Variants in CTNNBIP1 observed in about 807,000 individuals in gnomAD.
The protein encoded by CTNNBIP1 is catenin beta interacting protein 1.
A neutral mutation model predicts 11.8 loss-of-function variants in CTNNBIP1; 7 were observed. The observed-to-expected ratio is 0.60, with a 90% CI of 0.34 to 1.12. The LOEUF is 1.12. CTNNBIP1 is among the 50% of genes most tolerant of loss of function. CTNNBIP1 has a pLI of 0.03. For missense variants in CTNNBIP1, 101 were observed against 113.4 expected (o/e 0.89, Z 0.50); for synonymous variants, 58 against 43.9 (o/e 1.32, Z -1.26).
chr1:9,895,039 C>T (rs1026818974), intron 1 of CTNNBIP1, among the ~76,000 whole-genome samples: 1 of 151,856 alleles, frequency 6.6e-6, no homozygotes, highest in Non-Finnish European at 1.5e-5. Context: ...TCCCAAGGAG[C>T]TGGGACTACA....
intron 5 of CTNNBIP1, among the ~76,000 whole-genome samples, chr1:9,853,170 G>A (rs933970308): frequency 6.6e-6 from 1 of 152,200 alleles, no homozygotes; most frequent in African/African-American, 2.4e-5. Flanking sequence ...AAAGGCCTGA[G>A]GAGCTGCGGC....
At chr1:9,895,203 G>A (rs1361615591) in intron 1 of CTNNBIP1, among the ~76,000 whole-genome samples, 4 of 143,322 alleles carry the variant, frequency 2.8e-5, no homozygotes, top group East Asian at 4.2e-4. Context: ...CACTGCACCC[G>A]GCCTGTTTTG....
intron 1 of CTNNBIP1, chr1:9,892,871 G>A (rs1474408590): frequency 6.6e-6 from 1 of 152,130 alleles, no homozygotes; most frequent in Non-Finnish European, 1.5e-5. Context: ...CAAGGAAGGA[G>A]GAAACCTCCC....
chr1:9,890,859 A>C (rs903530329), intron 1 of CTNNBIP1, among the ~76,000 whole-genome samples: 2 of 152,170 alleles, frequency 1.3e-5, no homozygotes, highest in African/African-American at 2.4e-5. Context: ...AAGTCCCCAA[A>C]AGGCAAATTA....
intron 1 of CTNNBIP1, among the ~76,000 whole-genome samples, chr1:9,909,874 C>G (rs1461688861): frequency 6.6e-6 from 1 of 151,544 alleles, no homozygotes; most frequent in African/African-American, 2.4e-5. Context: ...GGAGGCGACC[C>G]CCGGGCGAAG....
chr1:9,879,304 C>CT (rs1385443137), intron 2 of CTNNBIP1, among the ~76,000 whole-genome samples: 1 of 152,132 alleles, frequency 6.6e-6, no homozygotes, highest in Non-Finnish European at 1.5e-5. Flanking sequence ...CCAGACAACA[C>CT]TTTGAGAAAC....
At chr1:9,875,176 C>T (rs6699477) in intron 3 of CTNNBIP1, among the ~76,000 whole-genome samples, 5,209 of 152,284 alleles carry the variant, frequency 0.034, 282 homozygotes, top group African/African-American at 0.12. Flanking sequence ...CACTCCTGCT[C>T]TGGCTCTCCC....
At chr1:9,896,449 A>C (rs1001235176) in intron 1 of CTNNBIP1, among the ~76,000 whole-genome samples, 1 of 152,254 alleles carries the variant, frequency 6.6e-6, no homozygotes, top group African/African-American at 2.4e-5. Context: ...CTGCAATCCC[A>C]GCACTTTGAG....
chr1:9,898,118 A>C (rs1209875501), intron 1 of CTNNBIP1, among the ~76,000 whole-genome samples: 6 of 146,124 alleles, frequency 4.1e-5, no homozygotes, highest in Non-Finnish European at 7.6e-5. Context: ...CTGTCTCAGC[A>C]AAAAAAAAAA....
intron 3 of CTNNBIP1, 132 bp downstream of exon 3, chr1:9,877,773 C>G (rs1446635868): frequency 6.6e-6 from 1 of 152,624 alleles, no homozygotes; most frequent in African/African-American, 2.4e-5. Flanking sequence ...ATCATTGGGG[C>G]TCACGGTGAA....
chr1:9,848,922 G>A lies in CTNNBIP1; in HGVS notation c.*1796C>T, dbSNP rs1349634074. 1 of 152,218 alleles carries A rather than the reference G, an allele frequency of 6.6e-6. No individual in the cohort carries two copies. The highest frequency in any genetic ancestry group is 2.4e-5 in the African/African-American group (1 of 41,436). 9.4% of individuals were successfully genotyped at this position (152,218 alleles called of 1,614,324 possible). A position where few individuals can be genotyped will look rare whatever the true frequency, so the allele number is the denominator to read the frequency against. ...GGGCTCTCCAGGGCTCGGTCATTTGGCTCCTGTGCACTTCATGACACTCAG... is the reference window on the plus strand; with the variant it reads ...GGGCTCTCCAGGGCTCGGTCATTTGACTCCTGTGCACTTCATGACACTCAG... On this transcript the variant is annotated 3_prime_UTR_variant, in exon 6 of 6. Coordinates refer to ENST00000377263, the MANE Select transcript of CTNNBIP1 (RefSeq NM_020248.3). This position sits in a 1 kb window ranked among gnomAD's most constrained non-coding sequence, Gnocchi z 4.3.
chr1:9,886,043 G>T (rs1232049645), intron 1 of CTNNBIP1, among the ~76,000 whole-genome samples: 1 of 151,830 alleles, frequency 6.6e-6, no homozygotes, highest in African/African-American at 2.4e-5. Flanking sequence ...CACAGACCAT[G>T]TAAGTAAATG....
At chr1:9,875,501 C>T (rs761099680) in intron 3 of CTNNBIP1, among the ~76,000 whole-genome samples, 5 of 152,230 alleles carry the variant, frequency 3.3e-5, no homozygotes, top group Non-Finnish European at 5.9e-5. Flanking sequence ...GGTGCAGCCT[C>T]GCCGTCCCGG....
At chr1:9,884,819 G>A (rs1054930287) in intron 1 of CTNNBIP1, among the ~76,000 whole-genome samples, 2 of 152,128 alleles carry the variant, frequency 1.3e-5, no homozygotes, top group Non-Finnish European at 2.9e-5. Flanking sequence ...GGCCCTTCCT[G>A]AGCAAAGACG....
At chr1:9,900,689 CCA>C (rs1639505186) in intron 1 of CTNNBIP1, among the ~76,000 whole-genome samples, 2 of 152,344 alleles carry the variant, frequency 1.3e-5, no homozygotes, top group Non-Finnish European at 2.9e-5. Context: ...TTACATCCCA[CCA>C]CAAACTCTGG....
At chr1:9,873,171 T>A (rs1402782971) in intron 3 of CTNNBIP1, among the ~76,000 whole-genome samples, 1 of 152,096 alleles carries the variant, frequency 6.6e-6, no homozygotes, top group Non-Finnish European at 1.5e-5. Flanking sequence ...CATAAGCTAA[T>A]GGGGCCCTCA....
At chr1:9,857,165 A>G (rs1638522491) in intron 5 of CTNNBIP1, among the ~76,000 whole-genome samples, 1 of 150,184 alleles carries the variant, frequency 6.7e-6, no homozygotes, top group Non-Finnish European at 1.5e-5. Flanking sequence ...CAATAATAAA[A>G]AAGTGGAGAA....
chr1:9,896,819 T>A (rs1254134993), intron 1 of CTNNBIP1, among the ~76,000 whole-genome samples: 5 of 152,000 alleles, frequency 3.3e-5, no homozygotes, highest in African/African-American at 9.7e-5. Flanking sequence ...ATACAGAAAT[T>A]AGCCAGGCAT....
chr1:9,908,467 G>A (rs894079385), intron 1 of CTNNBIP1, among the ~76,000 whole-genome samples: 12 of 148,464 alleles, frequency 8.1e-5, no homozygotes, highest in African/African-American at 3.0e-4. Flanking sequence ...TCCACCTCCC[G>A]GGTTCACGCC....
Sources: allele counts gnomAD v4.1 joint callset (sites outside exome capture counted in the v4.1 genomes callset), GRCh38; gene constraint gnomAD v4.1.1; non-coding constraint Gnocchi (gnomAD v3.1); transcripts MANE v1.5; gene names NCBI Gene and HGNC (gene_info 2026-07-23, HGNC 2026-07-21).